The following EBF1 variants were observed in gnomAD, a reference collection of about 807,000 sequenced individuals.
EBF1 encodes the protein transcription factor COE1.
Under a neutral mutation model 68.4 loss-of-function variants are expected in EBF1, and 10 were observed. That is an observed-to-expected ratio of 0.15 (90% CI 0.09 to 0.25). The LOEUF is 0.25. Ranked by LOEUF, EBF1 falls within the 10% of genes least tolerant of loss-of-function variation. The pLI is 1.00. For missense variants in EBF1, 509 were observed against 794.4 expected (o/e 0.64, Z 4.32); for synonymous variants, 298 against 299.8 (o/e 0.99, Z 0.06).
At chr5:159,091,453 A>G (rs1163854490) in intron 4 of EBF1, among the ~76,000 whole-genome samples, 1 of 152,208 alleles carries the variant, frequency 6.6e-6, no homozygotes, top group East Asian at 1.9e-4. Flanking sequence ...ACATGTTACC[A>G]AAGGAGAGAG....
intron 6 of EBF1, among the ~76,000 whole-genome samples, chr5:159,020,698 T>C (rs1406431372): frequency 6.6e-6 from 1 of 152,220 alleles, no homozygotes; most frequent in East Asian, 1.9e-4. Context: ...AATTGCCTAT[T>C]CTTCCCAGCT....
rs533880556 is a variant in EBF1, at chr5:158,824,645, G to A, written c.637-1328C>T. Among the ~76,000 whole-genome samples, 4 of 152,364 alleles carry A rather than the reference G, an allele frequency of 2.6e-5. No homozygotes were observed. The South Asian group carries it at 8.3e-4, about 32-fold the overall frequency. ...GATGGAGGCCTCAGTTTCTGAGGAAGCCTTTTCTCCAAGTTGGCTGAAGGG... is the reference window on the plus strand; with the variant it reads ...GATGGAGGCCTCAGTTTCTGAGGAAACCTTTTCTCCAAGTTGGCTGAAGGG... On this transcript the variant is annotated intron_variant, in intron 7 of 15. Transcript: ENST00000313708.
intron 11 of EBF1, among the ~76,000 whole-genome samples, chr5:158,720,986 C>T (rs916945464): frequency 5.3e-5 from 8 of 152,124 alleles, no homozygotes; most frequent in African/African-American, 1.7e-4. Flanking sequence ...TGCCCAGAGT[C>T]TTTTTAAAAA....
chr5:158,935,971 C>T (rs1351116177), intron 6 of EBF1, among the ~76,000 whole-genome samples: 2 of 152,080 alleles, frequency 1.3e-5, no homozygotes, highest in Non-Finnish European at 2.9e-5. Flanking sequence ...TCCTCAATAG[C>T]CCAAGATAGA....
At chr5:159,080,296 A>T (rs1779519882) in intron 5 of EBF1, among the ~76,000 whole-genome samples, 1 of 152,286 alleles carries the variant, frequency 6.6e-6, no homozygotes, top group South Asian at 2.1e-4. Context: ...CTGAATAGAC[A>T]TAGCCCTTTG....
At chr5:159,093,060 T>C (rs1379719847) in intron 4 of EBF1, among the ~76,000 whole-genome samples, 3 of 152,198 alleles carry the variant, frequency 2.0e-5, no homozygotes, top group Non-Finnish European at 4.4e-5. Flanking sequence ...AATTAACTGT[T>C]TTACTCATTA....
chr5:159,008,149 AGTG>A (rs1275239933), intron 6 of EBF1, among the ~76,000 whole-genome samples: 2 of 152,240 alleles, frequency 1.3e-5, no homozygotes, highest in Non-Finnish European at 2.9e-5. Flanking sequence ...TATTGAAACA[AGTG>A]GTACCAAAAA....
At chr5:158,891,524 T>A (rs1801182475) in intron 6 of EBF1, among the ~76,000 whole-genome samples, 1 of 152,222 alleles carries the variant, frequency 6.6e-6, no homozygotes, top group Admixed American at 6.5e-5. Flanking sequence ...TCTGGCCATT[T>A]CCAGAGCCAT....
intron 5 of EBF1, among the ~76,000 whole-genome samples, chr5:159,081,948 C>T (rs1008969273): frequency 2.0e-5 from 3 of 152,168 alleles, no homozygotes; most frequent in Non-Finnish European, 4.4e-5. Context: ...CAGAATTTCA[C>T]AGAAAGAGCT....
rs919738378 is a variant in EBF1, at chr5:159,068,110, A to G, written c.554+5286T>C. Among the ~76,000 whole-genome samples the G allele has an allele frequency of 2.6e-5, 4 of 152,188 alleles. No individual in the cohort carries two copies. The East Asian group carries it at 7.7e-4, about 29-fold the overall frequency. ...CTTCTAAAAACTGGATGAAGACCAA[A>G]ATAAGAAGAGTTGAAAGGGCATTGA... On this transcript the variant is annotated intron_variant, in intron 6 of 15. Transcript: ENST00000313708.
At chr5:158,715,121 C>G (rs1001377160) in intron 11 of EBF1, among the ~76,000 whole-genome samples, 1 of 152,122 alleles carries the variant, frequency 6.6e-6, no homozygotes, top group African/African-American at 2.4e-5. Context: ...AAGCTTGATG[C>G]ATGTAAAAGG....
At chr5:159,073,210 C>T (rs919508462) in intron 6 of EBF1, among the ~76,000 whole-genome samples, 186 bp downstream of exon 6, 1 of 152,178 alleles carries the variant, frequency 6.6e-6, no homozygotes, top group African/African-American at 2.4e-5. Flanking sequence ...ATCCAAGGAA[C>T]AGGCCTCTAA....
At chr5:158,816,723 A>C (rs78534468) in intron 8 of EBF1, among the ~76,000 whole-genome samples, 2 of 152,312 alleles carry the variant, frequency 1.3e-5, no homozygotes, top group Non-Finnish European at 2.9e-5. Context: ...CACAAATTTA[A>C]AAAGATGCCA....
At chr5:158,783,521 A>T (rs765090869) in intron 9 of EBF1, among the ~76,000 whole-genome samples, 1 of 152,196 alleles carries the variant, frequency 6.6e-6, no homozygotes, top group Non-Finnish European at 1.5e-5. Context: ...TGGCAGTAAG[A>T]TGAAACACAC....
chr5:158,730,889 C>G (rs1354460267), intron 11 of EBF1, among the ~76,000 whole-genome samples, 180 bp downstream of exon 11: 1 of 152,188 alleles, frequency 6.6e-6, no homozygotes, highest in South Asian at 2.1e-4. Context: ...AAAGTAAGCA[C>G]AGTGTTGCCT....
chr5:158,932,861 A>T (rs1335357584), intron 6 of EBF1, among the ~76,000 whole-genome samples: 1 of 152,218 alleles, frequency 6.6e-6, no homozygotes, highest in Non-Finnish European at 1.5e-5. Context: ...AGTTGCCTGT[A>T]GATTCACATG....
chr5:159,089,033 T>C (rs1221957944), intron 4 of EBF1, among the ~76,000 whole-genome samples: 1 of 152,094 alleles, frequency 6.6e-6, no homozygotes, highest in Non-Finnish European at 1.5e-5. Flanking sequence ...CCTGGTGAAA[T>C]TGACAAACAA....
intron 6 of EBF1, among the ~76,000 whole-genome samples, chr5:159,004,080 C>T (rs1039041914): frequency 6.6e-6 from 1 of 152,098 alleles, no homozygotes; most frequent in African/African-American, 2.4e-5. Flanking sequence ...AGTTTGAGAC[C>T]AGCCTGGGCA....
chr5:158,794,331 T>A (rs1040907080), intron 9 of EBF1, among the ~76,000 whole-genome samples: 1 of 152,156 alleles, frequency 6.6e-6, no homozygotes, highest in Admixed American at 6.5e-5. Context: ...TTTCATCAAT[T>A]TTGTTATATA....
Sources: gnomAD v4.1 joint callset for allele counts (sites outside exome capture counted in the v4.1 genomes callset) on GRCh38, gnomAD v4.1.1 for gene constraint, MANE v1.5 for transcripts, NCBI Gene and HGNC (gene_info 2026-07-23, HGNC 2026-07-21) for gene names.